IL1RAPL2: variants seen among roughly 807,000 people sequenced by gnomAD.
IL1RAPL2 encodes the protein interleukin 1 receptor accessory protein like 2, also known as X-linked interleukin-1 receptor accessory protein-like 2.
In IL1RAPL2, 3 loss-of-function variants were observed where a neutral mutation model predicts 44.1. The ratio of observed to expected loss-of-function variants is 0.07; its 90% CI spans 0.03 to 0.18. The LOEUF (loss-of-function observed/expected upper bound fraction) is 0.18. Among genes scored for constraint, IL1RAPL2 ranks in the 10% least tolerant of loss-of-function variants. IL1RAPL2 has a pLI of 1.00. For synonymous variants in IL1RAPL2, 181 were observed against 178.8 expected (o/e 1.01, Z -0.10); for missense variants, 391 against 496.4 (o/e 0.79, Z 2.02).
chrX:104,673,389 T>C (rs371824111), intron 2 of IL1RAPL2, among the ~76,000 whole-genome samples: 1 of 111,267 alleles, frequency 9.0e-6, no homozygotes, highest in East Asian at 2.8e-4. Flanking sequence ...CTCAGTTTTG[T>C]CAAAGATCAG....
chrX:105,177,788 ATATAC>A (rs2033489673), intron 2 of IL1RAPL2, among the ~76,000 whole-genome samples: 1 of 112,054 alleles, frequency 8.9e-6, no homozygotes, highest in Non-Finnish European at 1.9e-5. Context: ...TATATAAGAA[ATATAC>A]TAGGATGAAT....
chrX:104,795,674 C>T (rs929521297), intron 2 of IL1RAPL2, among the ~76,000 whole-genome samples: 3 of 110,777 alleles, frequency 2.7e-5, no homozygotes, highest in Non-Finnish European at 3.8e-5. Flanking sequence ...ATAAGTTTGC[C>T]GTAAAATTAT....
At chrX:105,060,931 C>A (rs1235023493) in intron 2 of IL1RAPL2, among the ~76,000 whole-genome samples, 1 of 110,533 alleles carries the variant, frequency 9.0e-6, no homozygotes, top group Non-Finnish European at 1.9e-5. Context: ...TTTGGTTCAC[C>A]TCTCTTTTTT....
chrX:104,734,942 C>T (rs878880177), intron 2 of IL1RAPL2, among the ~76,000 whole-genome samples: 1 of 111,630 alleles, frequency 9.0e-6, no homozygotes, highest in African/African-American at 3.2e-5. Context: ...TTGTAGAATT[C>T]TGTTTGAATG....
At chrX:104,761,158 A>T (rs1186304259) in intron 2 of IL1RAPL2, among the ~76,000 whole-genome samples, 1 of 111,430 alleles carries the variant, frequency 9.0e-6, no homozygotes, top group African/African-American at 3.3e-5. Context: ...ACCTGAGACT[A>T]GGTAATTTAT....
chrX:105,317,772 C>T (rs1603062440), intron 5 of IL1RAPL2, among the ~76,000 whole-genome samples: 1 of 110,307 alleles, frequency 9.1e-6, no homozygotes, highest in African/African-American at 3.3e-5. Flanking sequence ...ATTAATATAA[C>T]TTAGGTGGAA....
intron 2 of IL1RAPL2, among the ~76,000 whole-genome samples, chrX:105,122,639 T>A (rs1212855603): frequency 9.0e-6 from 1 of 111,726 alleles, no homozygotes; most frequent in Non-Finnish European, 1.9e-5. Context: ...ACATAATACA[T>A]GGTATCTTAT....
At position 105,162,109 on chromosome X, in the gene IL1RAPL2, G is replaced by A. The variant is rs138621086; in HGVS notation, c.83-33366G>A. ...AATATAAACTAGTTGTCATACTTAC[G>A]CTACAATGGCAAGAGCACTTGTTAT... On this transcript the variant is annotated intron_variant, in intron 2 of 10. Transcript: ENST00000372582. Among the ~76,000 whole-genome samples, 534 of 112,013 alleles carry A rather than the reference G, an allele frequency of 4.8e-3. 6 individuals are homozygous for A. The highest frequency in any genetic ancestry group is 0.016 in the African/African-American group (485 of 30,860).
chrX:104,971,353 A>G (rs772716803), intron 2 of IL1RAPL2, among the ~76,000 whole-genome samples: 14 of 111,336 alleles, frequency 1.3e-4, no homozygotes, highest in Non-Finnish European at 2.5e-4. Context: ...GTCTCAAAAA[A>G]TAAATAAAAT....
chrX:105,378,157 C>T (rs1417609152), intron 5 of IL1RAPL2, among the ~76,000 whole-genome samples: 1 of 111,152 alleles, frequency 9.0e-6, no homozygotes, highest in Non-Finnish European at 1.9e-5. Flanking sequence ...TGGATGATAA[C>T]AAATAGTCTG....
chrX:105,087,758 T>G (rs1465060993), intron 2 of IL1RAPL2, among the ~76,000 whole-genome samples: 2 of 112,219 alleles, frequency 1.8e-5, no homozygotes, highest in African/African-American at 3.2e-5. Context: ...CTTTCTTGCC[T>G]TTCAGTTATC....
At chrX:105,305,111 C>T (rs1420062697) in intron 5 of IL1RAPL2, among the ~76,000 whole-genome samples, 1 of 111,422 alleles carries the variant, frequency 9.0e-6, no homozygotes, top group East Asian at 2.8e-4. Context: ...AGAAGCCACC[C>T]CCATGTTCCA....
chrX:105,056,759 A>C (rs1454322554), intron 2 of IL1RAPL2, among the ~76,000 whole-genome samples: 3 of 112,294 alleles, frequency 2.7e-5, no homozygotes, highest in African/African-American at 9.7e-5. Flanking sequence ...TATCTGCCAA[A>C]AGTTAAGCAG....
intron 5 of IL1RAPL2, among the ~76,000 whole-genome samples, chrX:105,314,284 T>TG (rs1289015142): frequency 9.2e-6 from 1 of 109,134 alleles, no homozygotes; most frequent in Non-Finnish European, 1.9e-5. Flanking sequence ...CCCATTTGCT[T>TG]GAAAAAAAAA....
Position 105,282,680 on chromosome X carries a change from A to C in IL1RAPL2, c.697+15139A>C, listed in dbSNP as rs6621955. On this transcript the variant is annotated intron_variant, in intron 5 of 10. Coordinates refer to ENST00000372582, the MANE Select transcript of IL1RAPL2 (RefSeq NM_017416.2). ...ATTTTGTGTGTTTTGAGTCCTTTGC[A>C]TTGGAGCTCATCTTACAGTGTCTGA... is the stretch of plus-strand genomic sequence containing the variant. Among the ~76,000 whole-genome samples the C allele has an allele frequency of 3.2e-3, 358 of 111,577 alleles. 4 individuals are homozygous for C. The East Asian group carries it at 0.077, about 24-fold the overall frequency.
intron 2 of IL1RAPL2, among the ~76,000 whole-genome samples, chrX:104,882,490 G>A (rs894462727): frequency 1.7e-4 from 19 of 111,645 alleles, no homozygotes; most frequent in African/African-American, 5.9e-4. Context: ...CTTCTGGGTC[G>A]GGTGGGGACT....
chrX:105,764,366 C>G (rs2038712216), intron 10 of IL1RAPL2, among the ~76,000 whole-genome samples: 1 of 111,837 alleles, frequency 8.9e-6, no homozygotes, highest in African/African-American at 3.3e-5. Flanking sequence ...AAATGTTACC[C>G]TGTTCCTTTC....
chrX:104,762,685 A>G (rs1932483442), intron 2 of IL1RAPL2, among the ~76,000 whole-genome samples: 1 of 112,613 alleles, frequency 8.9e-6, no homozygotes, highest in Non-Finnish European at 1.9e-5. Context: ...AGGCATTTCC[A>G]TACATCCTCT....
intron 5 of IL1RAPL2, among the ~76,000 whole-genome samples, chrX:105,392,009 G>T: frequency 1.4e-5 from 1 of 72,861 alleles, no homozygotes; most frequent in Non-Finnish European, 2.5e-5. Context: ...GTGGGGGGAG[G>T]GGGAAGGGAT....
Sources: allele counts gnomAD v4.1 joint callset (sites outside exome capture counted in the v4.1 genomes callset), GRCh38; gene constraint gnomAD v4.1.1; transcripts MANE v1.5; gene names NCBI Gene and HGNC (gene_info 2026-07-23, HGNC 2026-07-21).